The following CNTN5 variants were observed in gnomAD, a reference collection of about 807,000 sequenced individuals.
The protein encoded by CNTN5 is contactin-5.
In CNTN5, 77 loss-of-function variants were observed where a neutral mutation model predicts 129.1. That is an observed-to-expected ratio of 0.60 (90% CI 0.50 to 0.72). The LOEUF is 0.72. Ranked by LOEUF, CNTN5 falls within the 30% of genes least tolerant of loss-of-function variation. CNTN5 has a pLI of 0.00. For missense variants in CNTN5, 1,478 were observed against 1,328.8 expected (o/e 1.11, Z -1.75); for synonymous variants, 509 against 465.6 (o/e 1.09, Z -1.20).
At chr11:99,948,082 A>G (rs1950591871) in intron 7 of CNTN5, among the ~76,000 whole-genome samples, 2 of 152,324 alleles carry the variant, frequency 1.3e-5, no homozygotes, top group Non-Finnish European at 2.9e-5. Flanking sequence ...TTCATTTGGA[A>G]TACTGTCCAA....
intron 16 of CNTN5, among the ~76,000 whole-genome samples, chr11:100,233,395 T>C (rs1949536318): frequency 1.3e-5 from 2 of 152,198 alleles, no homozygotes; most frequent in African/African-American, 4.8e-5. Flanking sequence ...CACCGCAACT[T>C]AAGGATTTGT....
At position 99,999,484 on chromosome 11, in the gene CNTN5, G is replaced by A. The variant is rs945639362; in HGVS notation, c.878-2550G>A. On this transcript the variant is annotated intron_variant, in intron 8 of 24. Coordinates refer to ENST00000524871, the MANE Select transcript of CNTN5 (RefSeq NM_014361.4). Reference sequence around the variant, plus strand: ...ACCATCTCACACCAGTTAGAATGGCGATCATTAAAAAGTCAGGAAACAACA... The same window carrying A: ...ACCATCTCACACCAGTTAGAATGGCAATCATTAAAAAGTCAGGAAACAACA... Among the ~76,000 whole-genome samples, 182 of 152,192 alleles carry A rather than the reference G, an allele frequency of 1.2e-3. 1 individual carries two copies. The highest frequency in any genetic ancestry group is 7.1e-3 in the South Asian group (34 of 4,816).
chr11:99,095,096 G>A (rs1039979551), intron 1 of CNTN5, among the ~76,000 whole-genome samples: 3 of 151,562 alleles, frequency 2.0e-5, no homozygotes, highest in Non-Finnish European at 3.0e-5. Context: ...ACTTGTCATC[G>A]ACATTAGGTA....
At chr11:99,309,216 C>A (rs1355753562) in intron 1 of CNTN5, among the ~76,000 whole-genome samples, 1 of 143,800 alleles carries the variant, frequency 7.0e-6, no homozygotes, top group Non-Finnish European at 1.5e-5. Flanking sequence ...TTTGTTTTTG[C>A]TATTTCTTTT....
At chr11:99,711,841 A>G (rs1181140256) in intron 3 of CNTN5, among the ~76,000 whole-genome samples, 2 of 152,012 alleles carry the variant, frequency 1.3e-5, no homozygotes, top group African/African-American at 4.8e-5. Context: ...GTAGTATCCC[A>G]TGTTGTGTCT....
At chr11:99,962,405 G>A (rs1190610256) in intron 8 of CNTN5, among the ~76,000 whole-genome samples, 4 of 150,614 alleles carry the variant, frequency 2.7e-5, no homozygotes, top group African/African-American at 9.8e-5. Flanking sequence ...AGAAGATGCA[G>A]TGTTTGGTTT....
intron 1 of CNTN5, among the ~76,000 whole-genome samples, chr11:99,053,225 T>C (rs1418212016): frequency 6.6e-6 from 1 of 151,952 alleles, no homozygotes; most frequent in Non-Finnish European, 1.5e-5. Flanking sequence ...TCTACTCCTA[T>C]ATGTCAAAAG....
At chr11:99,774,092 T>G (rs1446961632) in intron 3 of CNTN5, among the ~76,000 whole-genome samples, 1 of 152,106 alleles carries the variant, frequency 6.6e-6, no homozygotes, top group African/African-American at 2.4e-5. Flanking sequence ...AGTTTGTTGC[T>G]TCTTCCTTGA....
intron 4 of CNTN5, among the ~76,000 whole-genome samples, chr11:99,829,996 T>G (rs73557530): frequency 0.022 from 3,339 of 152,250 alleles, 117 homozygotes; most frequent in African/African-American, 0.076. Context: ...AGGAGTAAAC[T>G]TAATTAAGTG....
chr11:99,988,851 TTG>T (rs59171240), intron 8 of CNTN5, among the ~76,000 whole-genome samples: 11,444 of 150,040 alleles, frequency 0.076, 808 homozygotes, highest in African/African-American at 0.19. Flanking sequence ...GTGTGTGTGT[TTG>T]TGTGTGTGTG....
chr11:99,716,979 C>A (rs1443567012), intron 3 of CNTN5, among the ~76,000 whole-genome samples: 1 of 152,046 alleles, frequency 6.6e-6, no homozygotes, highest in Admixed American at 6.6e-5. Context: ...ACTATGCTTT[C>A]ATTTTCTTTC....
chr11:99,528,436 C>T (rs1226240484), intron 2 of CNTN5, among the ~76,000 whole-genome samples: 1 of 152,174 alleles, frequency 6.6e-6, no homozygotes, highest in Non-Finnish European at 1.5e-5. Context: ...TTAGTGTGAG[C>T]ACCAAGCTTT....
intron 2 of CNTN5, among the ~76,000 whole-genome samples, chr11:99,339,510 T>G (rs1404206723): frequency 1.3e-5 from 2 of 152,146 alleles, no homozygotes; most frequent in Non-Finnish European, 2.9e-5. Flanking sequence ...CCAGGCTCAG[T>G]GGCTCACACC....
At chr11:99,843,457 T>TA (rs1947581080) in intron 4 of CNTN5, among the ~76,000 whole-genome samples, 1 of 152,220 alleles carries the variant, frequency 6.6e-6, no homozygotes, top group Non-Finnish European at 1.5e-5. Flanking sequence ...AATTTTTTTT[T>TA]AGCTCAAATT....
chr11:99,803,096 C>T (rs1030877934), intron 3 of CNTN5, among the ~76,000 whole-genome samples: 2 of 151,896 alleles, frequency 1.3e-5, no homozygotes, highest in Admixed American at 6.6e-5. Context: ...GCAAATAGTG[C>T]CCCCCTGCAC....
chr11:99,694,628 T>C (rs112367757), intron 3 of CNTN5, among the ~76,000 whole-genome samples: 3,670 of 152,214 alleles, frequency 0.024, 150 homozygotes, highest in African/African-American at 0.084. Context: ...TATCAACCTG[T>C]CATCTACATT....
At chr11:99,953,231 A>G (rs916023314) in intron 7 of CNTN5, among the ~76,000 whole-genome samples, 2 of 152,222 alleles carry the variant, frequency 1.3e-5, no homozygotes, top group Non-Finnish European at 2.9e-5. Context: ...CTGTTTTTGT[A>G]TACTCTGTAG....
At chr11:100,311,112 G>A (rs538033619) in intron 21 of CNTN5, among the ~76,000 whole-genome samples, 12 of 152,090 alleles carry the variant, frequency 7.9e-5, no homozygotes, top group South Asian at 2.1e-4. Flanking sequence ...CAGAAGAGCA[G>A]AGGGGCAGCT....
At chr11:99,514,091 C>T (rs1946949331) in intron 2 of CNTN5, among the ~76,000 whole-genome samples, 1 of 151,838 alleles carries the variant, frequency 6.6e-6, no homozygotes, top group African/African-American at 2.4e-5. Context: ...CAATTTTAAC[C>T]CTCATGGATG....
Sources: allele counts gnomAD v4.1 joint callset (sites outside exome capture counted in the v4.1 genomes callset), GRCh38; gene constraint gnomAD v4.1.1; transcripts MANE v1.5; gene names NCBI Gene and HGNC (gene_info 2026-07-23, HGNC 2026-07-21).